The following FTO variants were observed in gnomAD, a reference collection of about 807,000 sequenced individuals.
FTO encodes FTO alpha-ketoglutarate dependent dioxygenase.
In FTO, 47 loss-of-function variants were observed where a neutral mutation model predicts 63.9. That is an observed-to-expected ratio of 0.74 (90% CI 0.58 to 0.94). The LOEUF is 0.94. Among genes scored for constraint, FTO ranks in the 40% least tolerant of loss-of-function variants. FTO has a pLI of 0.00. For synonymous variants in FTO, 207 were observed against 224.4 expected (o/e 0.92, Z 0.69); for missense variants, 562 against 618.1 (o/e 0.91, Z 0.96).
chr16:54,063,341 C>T (rs1304118789), intron 8 of FTO, among the ~76,000 whole-genome samples: 1 of 152,156 alleles, frequency 6.6e-6, no homozygotes, highest in Admixed American at 6.5e-5. Flanking sequence ...CTTGTTCTTC[C>T]TGGCTGGAAA....
intron 4 of FTO, among the ~76,000 whole-genome samples, chr16:53,854,965 T>C (rs1358141443): frequency 6.6e-6 from 1 of 152,110 alleles, no homozygotes; most frequent in Non-Finnish European, 1.5e-5. Context: ...CTTTCATCAG[T>C]GTTTTATAGT....
chr16:53,742,877 C>T (rs2076558208), intron 1 of FTO, among the ~76,000 whole-genome samples: 1 of 152,068 alleles, frequency 6.6e-6, no homozygotes, highest in Admixed American at 6.6e-5. Flanking sequence ...ATATTGGTTC[C>T]TTTAGTTCTT....
intron 4 of FTO, among the ~76,000 whole-genome samples, chr16:53,873,373 A>G (rs940801311): frequency 2.6e-5 from 4 of 151,964 alleles, no homozygotes; most frequent in African/African-American, 7.2e-5. Context: ...ATAATTGTTA[A>G]TAGCATCCCC....
chr16:54,098,508 A>G (rs1206183383), intron 8 of FTO, among the ~76,000 whole-genome samples: 2 of 152,238 alleles, frequency 1.3e-5, no homozygotes, highest in African/African-American at 2.4e-5. Context: ...AATTTATTTC[A>G]TAGCCTACAA....
At chr16:53,934,816 G>A (rs992825771) in intron 8 of FTO, among the ~76,000 whole-genome samples, 1 of 152,188 alleles carries the variant, frequency 6.6e-6, no homozygotes, top group Middle Eastern at 3.4e-3. Context: ...TATAAGGTTC[G>A]CCGTTGACCA....
At chr16:53,775,605 C>T (rs2077441029) in intron 1 of FTO, among the ~76,000 whole-genome samples, 1 of 152,148 alleles carries the variant, frequency 6.6e-6, no homozygotes, top group Non-Finnish European at 1.5e-5. Flanking sequence ...ATCCAGACTC[C>T]TTAGCTTGAC....
intron 8 of FTO, among the ~76,000 whole-genome samples, chr16:54,027,331 C>G (rs929184181): frequency 2.6e-5 from 4 of 152,108 alleles, no homozygotes; most frequent in Admixed American, 2.6e-4. Context: ...TAGGTTCAGG[C>G]CCCATGAGCT....
chr16:53,714,281 A>G (rs1199977225), intron 1 of FTO, among the ~76,000 whole-genome samples: 1 of 152,202 alleles, frequency 6.6e-6, no homozygotes. Flanking sequence ...TAGTGATTGG[A>G]TCATTCAAGG....
intron 2 of FTO, among the ~76,000 whole-genome samples, chr16:53,815,633 C>CTTTT (rs2078653863): frequency 1.2e-5 from 1 of 80,142 alleles, no homozygotes; most frequent in Non-Finnish European, 2.2e-5. Context: ...CATTGACTTT[C>CTTTT]TTGTTTTTTT....
chr16:53,743,779 C>T (rs2076582625), intron 1 of FTO, among the ~76,000 whole-genome samples: 1 of 151,602 alleles, frequency 6.6e-6, no homozygotes, highest in Non-Finnish European at 1.5e-5. Context: ...AGGAACCCTG[C>T]CTAGTTACCA....
rs185673548 is a variant in FTO at position 53,933,801 on chromosome 16, C to G, written c.1240-184C>G. Among the ~76,000 whole-genome samples, 130 of 152,238 alleles carry G rather than the reference C, an allele frequency of 8.5e-4. 1 individual carries two copies. Among genetic ancestry groups the G allele is most frequent in the African/African-American group, 3.0e-3 (123 of 41,520 alleles). On this transcript the variant is annotated intron_variant, in intron 7 of 8. Transcript: ENST00000471389. Reference sequence around the variant, plus strand: ...GAGCTTTAGAGTTTACCTTATGTGCCATGTACATTGATTAAATACAAAATA... The same window carrying G: ...GAGCTTTAGAGTTTACCTTATGTGCGATGTACATTGATTAAATACAAAATA...
intron 2 of FTO, among the ~76,000 whole-genome samples, 166 bp downstream of exon 2, chr16:53,810,383 G>A (rs1023897264): frequency 6.6e-6 from 1 of 152,124 alleles, no homozygotes; most frequent in African/African-American, 2.4e-5. Context: ...CTTCAGAATC[G>A]GCTTTTTGCT....
chr16:54,027,564 A>AT (rs1423166531), intron 8 of FTO, among the ~76,000 whole-genome samples: 2 of 146,686 alleles, frequency 1.4e-5, no homozygotes, highest in East Asian at 2.0e-4. Context: ...CTCCCTAAAG[A>AT]TTTAAAAAAA....
intron 8 of FTO, among the ~76,000 whole-genome samples, chr16:53,940,640 T>G (rs1228778408): frequency 6.6e-6 from 1 of 152,232 alleles, no homozygotes; most frequent in African/African-American, 2.4e-5. Context: ...TGTACTCCCA[T>G]AGGAGACAAC....
At chr16:53,776,384 C>T (rs915716600) in intron 1 of FTO, among the ~76,000 whole-genome samples, 1 of 152,082 alleles carries the variant, frequency 6.6e-6, no homozygotes, top group African/African-American at 2.4e-5. Flanking sequence ...ACAATAAAGC[C>T]CAAAGAAATT....
chr16:54,018,417 CATA>C (rs1567519968), intron 8 of FTO, among the ~76,000 whole-genome samples: 2 of 67,002 alleles, frequency 3.0e-5, no homozygotes, highest in East Asian at 6.2e-4. Context: ...TAGATACATA[CATA>C]CATACATACA....
chr16:53,719,225 ACTT>A (rs141955826), intron 1 of FTO, among the ~76,000 whole-genome samples: 2,006 of 145,640 alleles, frequency 0.014, 37 homozygotes, highest in African/African-American at 0.048. Context: ...TTTGAACTTT[ACTT>A]CTTCTTCTTC....
chr16:53,851,431 C>T (rs1368680745), intron 4 of FTO, among the ~76,000 whole-genome samples: 1 of 151,114 alleles, frequency 6.6e-6, no homozygotes, highest in African/African-American at 2.4e-5. Flanking sequence ...TGCACTCCAG[C>T]CTGGGCAACA....
At chr16:54,032,174 G>A (rs2084848648) in intron 8 of FTO, among the ~76,000 whole-genome samples, 1 of 152,206 alleles carries the variant, frequency 6.6e-6, no homozygotes, top group Non-Finnish European at 1.5e-5. Flanking sequence ...GATGTACCTA[G>A]AGAAAAGCAT....
Sources: gnomAD v4.1 joint callset for allele counts (sites outside exome capture counted in the v4.1 genomes callset) on GRCh38, gnomAD v4.1.1 for gene constraint, MANE v1.5 for transcripts, NCBI Gene and HGNC (gene_info 2026-07-23, HGNC 2026-07-21) for gene names.